Variants in NBEA observed in about 807,000 individuals in gnomAD.
The protein encoded by NBEA is neurobeachin.
In NBEA, 44 loss-of-function variants were observed where a neutral mutation model predicts 343.4. The observed-to-expected ratio is 0.13, with a 90% confidence interval of 0.10 to 0.16. The LOEUF (loss-of-function observed/expected upper bound fraction) is 0.16. NBEA is among the 10% of genes least tolerant of loss of function. The probability of loss-of-function intolerance (pLI) is 1.00; values close to 1 mark genes in which losing one functional copy is unlikely to be tolerated. For missense variants in NBEA, 2,555 were observed against 3,631.3 expected, an observed-to-expected ratio of 0.70 and a Z score of 7.62; for synonymous variants, 1,175 against 1,238.7, an observed-to-expected ratio of 0.95 and a Z score of 1.08.
At chr13:35,170,943 A>G (rs73502445) in intron 25 of NBEA, 2,880 of 212,138 alleles carry the variant, frequency 0.014, 79 homozygotes, top group African/African-American at 0.05. Context: ...TTACAAAACA[A>G]AACTAGTATA....
intron 34 of NBEA, among the ~76,000 whole-genome samples, chr13:35,253,021 A>T (rs2032154563): frequency 1.3e-5 from 2 of 152,164 alleles, no homozygotes; most frequent in Admixed American, 1.3e-4. Flanking sequence ...ATGCCTGCCG[A>T]GGAAGTATGC....
chr13:35,509,600 C>T (rs1365576161), intron 41 of NBEA, among the ~76,000 whole-genome samples: 1 of 152,210 alleles, frequency 6.6e-6, no homozygotes, highest in East Asian at 1.9e-4. Flanking sequence ...TGTTCTACTT[C>T]TAGTACCTAG....
chr13:34,992,162 T>C (rs1412785648), intron 1 of NBEA, among the ~76,000 whole-genome samples: 2 of 149,442 alleles, frequency 1.3e-5, no homozygotes, highest in Non-Finnish European at 3.0e-5. Context: ...TCACCAAGTG[T>C]TTGAAAAATG....
chr13:35,085,799 G>A (rs1368334084), intron 10 of NBEA, among the ~76,000 whole-genome samples: 2 of 152,206 alleles, frequency 1.3e-5, no homozygotes, highest in East Asian at 3.9e-4. Context: ...AATTGTCCCT[G>A]TTTGCAGATG....
At chr13:35,251,749 A>G in intron 34 of NBEA, 2 of 213,918 alleles carry the variant, frequency 9.3e-6, no homozygotes, top group Non-Finnish European at 1.8e-5. Flanking sequence ...ACATGCTCAA[A>G]GCCACCAAGA....
At chr13:35,514,777 T>G (rs2077420736) in intron 41 of NBEA, among the ~76,000 whole-genome samples, 1 of 152,172 alleles carries the variant, frequency 6.6e-6, no homozygotes, top group African/African-American at 2.4e-5. Context: ...AGTGTGCATT[T>G]GTAGGTGTTT....
rs547787630 is a variant in NBEA at position 35,659,514 on chromosome 13, G to A, written c.8362+3765G>A. 2.6e-5 allele frequency among the ~76,000 whole-genome samples: 4 copies of A among 152,240 alleles called. 1 individual carries two copies. In the South Asian group the frequency reaches 8.3e-4, roughly 32 times the overall value. ...TTGGCAGGTATAGAAAGTATGTATG[G>A]TTTTATTGTGTCAAATATATTGTGA... On this transcript the variant is annotated intron_variant, in intron 55 of 58. Coordinates refer to ENST00000379939, the MANE Select transcript of NBEA (RefSeq NM_001385012.1).
intron 36 of NBEA, among the ~76,000 whole-genome samples, chr13:35,341,423 A>C (rs1360464610): frequency 1.3e-5 from 2 of 152,108 alleles, no homozygotes; most frequent in African/African-American, 4.8e-5. Context: ...CTTGTGTGTC[A>C]AAAGACATTC....
At chr13:35,368,293 G>C (rs1219167356) in intron 38 of NBEA, among the ~76,000 whole-genome samples, 1 of 151,212 alleles carries the variant, frequency 6.6e-6, no homozygotes, top group African/African-American at 2.4e-5. Context: ...TTCAACTGTG[G>C]TCAACCCAAA....
intron 47 of NBEA, among the ~76,000 whole-genome samples, chr13:35,597,779 G>A (rs1211325733): frequency 2.6e-5 from 4 of 152,130 alleles, no homozygotes; most frequent in African/African-American, 9.7e-5. Context: ...TTCATGCCTA[G>A]GCCCGGAAGT....
At chr13:35,434,180 C>G (rs2045287527) in intron 39 of NBEA, among the ~76,000 whole-genome samples, 1 of 151,808 alleles carries the variant, frequency 6.6e-6, no homozygotes, top group South Asian at 2.1e-4. Flanking sequence ...AGTGTCAAAG[C>G]CTATAAGAAA....
intron 47 of NBEA, among the ~76,000 whole-genome samples, chr13:35,598,473 G>T (rs1483923495): frequency 6.6e-6 from 1 of 152,166 alleles, no homozygotes; most frequent in Non-Finnish European, 1.5e-5. Context: ...AACATGGTTT[G>T]CAGCTGAGTA....
chr13:35,121,969 T>C (rs79773728), intron 16 of NBEA, among the ~76,000 whole-genome samples: 3 of 152,208 alleles, frequency 2.0e-5, no homozygotes, highest in Admixed American at 6.5e-5. Context: ...TTCTAGAATT[T>C]GTTGCCAGTG....
intron 38 of NBEA, among the ~76,000 whole-genome samples, chr13:35,394,525 A>G (rs780046229): frequency 6.6e-6 from 1 of 152,188 alleles, no homozygotes; most frequent in Non-Finnish European, 1.5e-5. Context: ...TTTACCCACA[A>G]ATACAAAGAA....
At chr13:35,277,655 G>GGGAA (rs1431475988) in intron 34 of NBEA, among the ~76,000 whole-genome samples, 1 of 137,940 alleles carries the variant, frequency 7.2e-6, no homozygotes, top group Non-Finnish European at 1.6e-5. Context: ...AAAAGTGGGG[G>GGGAA]AAACAACATA....
intron 51 of NBEA, among the ~76,000 whole-genome samples, chr13:35,647,741 A>C (rs554569740): frequency 1.3e-3 from 195 of 151,924 alleles, no homozygotes; most frequent in African/African-American, 4.3e-3. Flanking sequence ...TAATTTTTGT[A>C]TTTTTAGTAA....
intron 6 of NBEA, among the ~76,000 whole-genome samples, chr13:35,054,521 T>C (rs896083112): frequency 6.6e-6 from 1 of 152,048 alleles, no homozygotes; most frequent in Non-Finnish European, 1.5e-5. Context: ...AAAAAGGATG[T>C]GCATTTTAGA....
At chr13:35,373,113 C>A (rs1186354725) in intron 38 of NBEA, among the ~76,000 whole-genome samples, 2 of 152,250 alleles carry the variant, frequency 1.3e-5, no homozygotes, top group East Asian at 3.9e-4. Flanking sequence ...TTTTCCCATA[C>A]TGGGAAGCCT....
chr13:35,362,262 G>A (rs1039289575), intron 38 of NBEA, among the ~76,000 whole-genome samples: 7 of 151,768 alleles, frequency 4.6e-5, no homozygotes, highest in South Asian at 2.1e-4. Context: ...TGGTCATAGA[G>A]TCTCAAGACC....
Sources: allele counts gnomAD v4.1 joint callset (sites outside exome capture counted in the v4.1 genomes callset), GRCh38; gene constraint gnomAD v4.1.1; transcripts MANE v1.5; gene names NCBI Gene and HGNC (gene_info 2026-07-23, HGNC 2026-07-21).